SLC9C2: variants seen among roughly 807,000 people sequenced by gnomAD.
The protein encoded by SLC9C2 is sodium/hydrogen exchanger 11.
In SLC9C2, 75 loss-of-function variants were observed where a neutral mutation model predicts 140.2. That is an observed-to-expected ratio of 0.53 (90% CI 0.44 to 0.65). The LOEUF is 0.65. Among genes scored for constraint, SLC9C2 ranks in the 30% least tolerant of loss-of-function variants. The probability of loss-of-function intolerance (pLI) is 0.00; values close to 1 mark genes in which losing one functional copy is unlikely to be tolerated. For missense variants in SLC9C2, 1,074 were observed against 1,331.8 expected, an observed-to-expected ratio of 0.81 and a Z score of 3.01; for synonymous variants, 375 against 420.9, an observed-to-expected ratio of 0.89 and a Z score of 1.34.
rs374917832 is a variant in SLC9C2 at position 173,506,969 on chromosome 1, T to C, written c.3112A>G (p.Ile1038Val). Residue 1038 changes from isoleucine to valine, a missense_variant, in exon 25 of 28, where the codon ATT (isoleucine) becomes GTT (valine). Coordinates refer to ENST00000367714, the MANE Select transcript of SLC9C2 (RefSeq NM_178527.4). Reference sequence around the variant, plus strand: ...AATTTCATGGTCATATTATCAATAATCATGTCACTATAGCTTGATAAAGTT... The same window carrying C: ...AATTTCATGGTCATATTATCAATAACCATGTCACTATAGCTTGATAAAGTT... ...VETLSSYSDMIIDNMTMKFVI... is the reference protein window; with the variant it reads ...VETLSSYSDMVIDNMTMKFVI... The C allele has an allele frequency of 3.1e-6, 5 of 1,613,352 alleles. No individual in the cohort carries two copies. In the African/African-American group the frequency reaches 6.7e-5, roughly 22 times the overall value.
At chr1:173,521,475 T>TTATATATATA in intron 21 of SLC9C2, 76 bp from the exon 22 acceptor site, 3 of 260,872 alleles carry the variant, frequency 1.1e-5, no homozygotes, top group South Asian at 9.9e-5. Flanking sequence ...TCTAAATATT[T>TTATATATATA]TCTATATATA....
chr1:173,550,802 T>C (rs1222340752), intron 11 of SLC9C2, among the ~76,000 whole-genome samples: 1 of 149,510 alleles, frequency 6.7e-6, no homozygotes, highest in Non-Finnish European at 1.5e-5. Context: ...TAAGCACCTG[T>C]AGTCCCAGCT....
At chr1:173,549,706 T>A (rs866961280) in intron 11 of SLC9C2, among the ~76,000 whole-genome samples, 3 of 152,212 alleles carry the variant, frequency 2.0e-5, no homozygotes, top group Admixed American at 6.5e-5. Flanking sequence ...CCACATGGTA[T>A]TCCTAGAAAC....
chr1:173,512,150 CA>C (rs1234756359), intron 23 of SLC9C2, among the ~76,000 whole-genome samples: 4 of 152,066 alleles, frequency 2.6e-5, no homozygotes, highest in African/African-American at 9.7e-5. Flanking sequence ...TTTTTGGTTC[CA>C]TATGAAATTT....
At chr1:173,502,272 CAAAAAAAAAA>C (rs34183286) in intron 27 of SLC9C2, among the ~76,000 whole-genome samples, 447 of 40,792 alleles carry the variant, frequency 0.011, 4 homozygotes, top group Non-Finnish European at 0.018. Flanking sequence ...GATTCCATCT[CAAAAAAAAAA>C]AAAAAAAAAA....
Position 173,507,042 on chromosome 1 carries a change from C to A in SLC9C2, c.3040-1G>T. 6.4e-7 allele frequency: 1 copy of A among 1,552,628 alleles called. No individual in the cohort carries two copies. Among genetic ancestry groups the A allele is most frequent in the Non-Finnish European group, 8.6e-7 (1 of 1,157,062 alleles). On this transcript the variant is annotated splice_acceptor_variant, in intron 24 of 27. Transcript: ENST00000367714. LOFTEE classifies it high-confidence loss of function. ...TCACACAGTTCTGAAACCTTAAGTC[C>A]TATAATAAAATTGCATTTTAGAAAA...
In SLC9C2 at chr1:173,502,000, G is replaced by A. The variant is rs918567415; in HGVS notation, c.3372-903C>T. On this transcript the variant is annotated intron_variant, in intron 27 of 27. Transcript: ENST00000367714. ...CTTCTCTTGCTGTTTATGGCTGGGC[G>A]CGGTGGCTCACGCCTGTAATCCCAG... Among the ~76,000 whole-genome samples the A allele has an allele frequency of 2.9e-4, 44 of 152,052 alleles. 1 individual carries two copies. The highest frequency in any genetic ancestry group is 8.3e-4 in the South Asian group (4 of 4,822).
chr1:173,548,087 A>G (rs982793489), intron 12 of SLC9C2, among the ~76,000 whole-genome samples: 2 of 152,210 alleles, frequency 1.3e-5, no homozygotes, highest in African/African-American at 4.8e-5. Context: ...CCAGGAGAGA[A>G]TTATCAGTAT....
chr1:173,598,112 T>C lies in SLC9C2; in HGVS notation c.229-80A>G, dbSNP rs911340789. 3.5e-6 allele frequency: 5 copies of C among 1,422,916 alleles called. No homozygotes were observed. In the African/African-American group the frequency reaches 4.4e-5, roughly 12 times the overall value. 88.1% of individuals were successfully genotyped at this position (1,422,916 alleles called of 1,614,324 possible). A position where few individuals can be genotyped will look rare whatever the true frequency, so the allele number is the denominator to read the frequency against. ...AAACTAGGTTGATGCTGTCAATCAA[T>C]ATAAATTTTAGAATCTTTCAGTTTA... On this transcript the variant is annotated intron_variant, in intron 3 of 27. Transcript: ENST00000367714.
intron 18 of SLC9C2, among the ~76,000 whole-genome samples, 184 bp from the exon 19 acceptor site, chr1:173,526,898 T>A (rs1475387093): frequency 6.6e-6 from 1 of 152,124 alleles, no homozygotes; most frequent in African/African-American, 2.4e-5. Context: ...GAGGTTGGAG[T>A]GCAGTGGTGC....
At chr1:173,572,393 T>G (rs557954781) in intron 9 of SLC9C2, among the ~76,000 whole-genome samples, 1 of 148,238 alleles carries the variant, frequency 6.7e-6, no homozygotes, top group South Asian at 2.1e-4. Context: ...CTATCTGAGT[T>G]GCATGCAGTG....
At chr1:173,563,775 G>T (rs1426974739) in intron 9 of SLC9C2, among the ~76,000 whole-genome samples, 1 of 152,054 alleles carries the variant, frequency 6.6e-6, no homozygotes, top group African/African-American at 2.4e-5. Context: ...TCACCCTGTT[G>T]TGCCATCAAA....
intron 13 of SLC9C2, among the ~76,000 whole-genome samples, chr1:173,544,371 A>T (rs1217836187): frequency 6.6e-6 from 1 of 152,182 alleles, no homozygotes; most frequent in Admixed American, 6.5e-5. Context: ...GGTGCTGGAG[A>T]GGATGTGGAG....
intron 16 of SLC9C2, 67 bp from the exon 17 acceptor site, chr1:173,533,864 A>C: frequency 6.9e-7 from 1 of 1,457,948 alleles, no homozygotes; most frequent in African/African-American, 1.4e-5. Context: ...AAATCTATAA[A>C]ATTAACAACT....
At chr1:173,574,684 G>C (rs2102187496) in intron 8 of SLC9C2, among the ~76,000 whole-genome samples, 1 of 150,904 alleles carries the variant, frequency 6.6e-6, no homozygotes, top group Admixed American at 6.6e-5. Flanking sequence ...CTAATTTTTT[G>C]TATTTTTAGT....
At position 173,526,719 on chromosome 1, in the gene SLC9C2, A is replaced by G. The variant is rs1250958434; in HGVS notation, c.2314-5T>C. 6.4e-7 allele frequency: 1 copy of G among 1,570,176 alleles called. No homozygotes were observed. Among genetic ancestry groups the G allele is most frequent in the Non-Finnish European group, 8.6e-7 (1 of 1,162,814 alleles). Reference sequence around the variant, plus strand: ...TTCCAAAATTTCACATAGTTTCTGTAAAAAATTAAGAAAAACATGTATTTC... The same window carrying G: ...TTCCAAAATTTCACATAGTTTCTGTGAAAAATTAAGAAAAACATGTATTTC... On this transcript the variant is annotated splice_polypyrimidine_tract_variant and splice_region_variant and intron_variant, in intron 18 of 27. Coordinates refer to ENST00000367714, the MANE Select transcript of SLC9C2 (RefSeq NM_178527.4).
chr1:173,597,132 AC>A (rs376446903), intron 4 of SLC9C2, among the ~76,000 whole-genome samples: 127 of 152,176 alleles, frequency 8.3e-4, no homozygotes, highest in Admixed American at 1.8e-3. Flanking sequence ...TTAAAAAAAA[AC>A]ATGTACAAGC....
intron 11 of SLC9C2, among the ~76,000 whole-genome samples, chr1:173,549,520 G>A (rs542040545): frequency 6.6e-6 from 1 of 152,346 alleles, no homozygotes; most frequent in East Asian, 1.9e-4. Context: ...GGGGAAATAT[G>A]AAGGCATGTA....
chr1:173,560,704 C>T (rs1664048369), intron 9 of SLC9C2, among the ~76,000 whole-genome samples: 1 of 152,198 alleles, frequency 6.6e-6, no homozygotes. Context: ...ATTTGTAAAT[C>T]TAGCACAGAG....
Sources: allele counts gnomAD v4.1 joint callset (sites outside exome capture counted in the v4.1 genomes callset), GRCh38; gene constraint gnomAD v4.1.1; transcripts MANE v1.5; gene names NCBI Gene and HGNC (gene_info 2026-07-23, HGNC 2026-07-21).